Variants in ST7 observed in about 807,000 individuals in gnomAD.
The protein encoded by ST7 is suppression of tumorigenicity 7.
ST7 carries 28 observed loss-of-function variants against 78.7 expected under a neutral mutation model. The observed-to-expected ratio is 0.36, with a 90% CI of 0.26 to 0.49. The LOEUF (loss-of-function observed/expected upper bound fraction) is 0.49, where lower values mean the gene tolerates loss of function less well. ST7 is among the 20% of genes least tolerant of loss of function. The probability of loss-of-function intolerance (pLI) is 0.99; values close to 1 mark genes in which losing one functional copy is unlikely to be tolerated. For synonymous variants in ST7, 247 were observed against 249.6 expected (o/e 0.99, Z 0.10); for missense variants, 418 against 696.0 (o/e 0.60, Z 4.49).
chr7:117,114,104 C>T (rs1368859359), intron 2 of ST7, among the ~76,000 whole-genome samples: 3 of 152,026 alleles, frequency 2.0e-5, no homozygotes, highest in Non-Finnish European at 4.4e-5. Flanking sequence ...TTTACATAGC[C>T]CCCGCAACTG....
At chr7:117,033,356 T>C (rs1265751848) in intron 1 of ST7, among the ~76,000 whole-genome samples, 1 of 152,184 alleles carries the variant, frequency 6.6e-6, no homozygotes, top group Non-Finnish European at 1.5e-5. Flanking sequence ...GGGGATGAGA[T>C]GAATGAAATT....
intron 3 of ST7, 78 bp downstream of exon 3, chr7:117,119,798 A>G: frequency 1.3e-6 from 2 of 1,498,962 alleles, no homozygotes; most frequent in Non-Finnish European, 9.0e-7. Flanking sequence ...CTAAGAGATT[A>G]AGAATGTTGT....
chr7:117,099,066 C>CA (rs55999217), intron 1 of ST7, among the ~76,000 whole-genome samples: 24 of 94,538 alleles, frequency 2.5e-4, no homozygotes, highest in Non-Finnish European at 4.7e-4. Flanking sequence ...AAAAAAAAAA[C>CA]AAAAAAAAAA....
intron 1 of ST7, chr7:116,958,829 A>C (rs956927778): frequency 1.6e-4 from 59 of 362,970 alleles, no homozygotes; most frequent in Non-Finnish European, 3.0e-4. Context: ...TGCTAAAAAA[A>C]AAAATGCTAT....
chr7:117,123,944 A>G (rs1803612364), intron 3 of ST7, among the ~76,000 whole-genome samples: 1 of 152,156 alleles, frequency 6.6e-6, no homozygotes, highest in South Asian at 2.1e-4. Flanking sequence ...CTGGATAGTC[A>G]CTTGGCTTCC....
chr7:116,995,635 C>G (rs1039698102), intron 1 of ST7, among the ~76,000 whole-genome samples: 1 of 152,126 alleles, frequency 6.6e-6, no homozygotes, highest in Non-Finnish European at 1.5e-5. Context: ...CTGTGCTTGC[C>G]CCTTCCTCAT....
chr7:117,131,772 G>GA lies in ST7; in HGVS notation c.566-110dup, dbSNP rs921522071. 8.7e-5 allele frequency: 83 copies of GA among 954,336 alleles called. No individual in the cohort carries two copies. In the African/African-American group the frequency reaches 1.2e-3, roughly 14 times the overall value. The allele number at this position is 954,336 out of a possible 1,614,324, so 59.1% of individuals were successfully genotyped here. ...GATTTTGGCCAACCCTCTTAGCAAT[G>GA]AAATATGTTCTTGTAATTTAAGCTG... is the stretch of plus-strand genomic sequence containing the variant. On this transcript the variant is annotated intron_variant, in intron 5 of 15. Transcript: ENST00000323984.
At chr7:117,131,798 A>C in intron 5 of ST7, 87 bp from the exon 6 acceptor site, 2 of 1,172,148 alleles carry the variant, frequency 1.7e-6, no homozygotes, top group South Asian at 2.7e-5. Flanking sequence ...ATTTAAGCTG[A>C]CACTCCTAAT....
chr7:117,089,860 G>A (rs1451820934), intron 1 of ST7, among the ~76,000 whole-genome samples: 6 of 152,036 alleles, frequency 3.9e-5, no homozygotes, highest in South Asian at 2.1e-4. Context: ...ATGAGCCACC[G>A]CACCCGGCCT....
At position 117,037,418 on chromosome 7, in the gene ST7, A is replaced by G. The variant is rs530741702; in HGVS notation, c.152-62344A>G. 8.5e-5 allele frequency among the ~76,000 whole-genome samples: 13 copies of G among 152,326 alleles called. 1 individual carries two copies. The South Asian group carries it at 1.9e-3, about 22-fold the overall frequency. On this transcript the variant is annotated intron_variant, in intron 1 of 15. Coordinates refer to ENST00000323984, the MANE Select transcript of ST7 (RefSeq NM_001369598.1). ...TGAGCTAATGGCAAAAGACTGATCC[A>G]AAAAGGTTGGCCATGGCATCTAACA...
intron 1 of ST7, among the ~76,000 whole-genome samples, chr7:116,991,233 A>G (rs7789152): frequency 0.032 from 4,800 of 152,268 alleles, 234 homozygotes; most frequent in African/African-American, 0.11. Flanking sequence ...TTCCACCCTG[A>G]CACATGCCTC....
intron 1 of ST7, among the ~76,000 whole-genome samples, chr7:117,075,729 C>G (rs1244884688): frequency 1.3e-5 from 2 of 152,154 alleles, no homozygotes; most frequent in African/African-American, 4.8e-5. Flanking sequence ...GCAGGGGATT[C>G]CCATAAGTCA....
In ST7 at chr7:117,181,590, G is replaced by A. The variant is rs1240624342; in HGVS notation, c.1079-7731G>A. Among the ~76,000 whole-genome samples, 5 of 152,220 alleles carry A rather than the reference G, an allele frequency of 3.3e-5. No homozygotes were observed. In the East Asian group the frequency reaches 5.8e-4, roughly 18 times the overall value. The stretch of plus-strand genomic sequence containing the variant: ...TGAGCAGAAAATATTGTATTAATAC[G>A]TTGCTGAGGTATAATTATTCATTCC... On this transcript the variant is annotated intron_variant, in intron 10 of 15. Coordinates refer to ENST00000323984, the MANE Select transcript of ST7 (RefSeq NM_001369598.1).
In ST7 at chr7:117,221,760, G is replaced by T. The variant is rs116614273; in HGVS notation, c.1499-163G>T. 8.2e-3 allele frequency among the ~76,000 whole-genome samples: 1,247 copies of T among 152,214 alleles called. 15 individuals are homozygous for T. Among genetic ancestry groups the T allele is most frequent in the African/African-American group, 0.028 (1,175 of 41,540 alleles). ...GCGACCAGCAGATGGGCCTCCAAAG[G>T]CTGGGTCAGATGTTGGCTATGGTTT... On this transcript the variant is annotated intron_variant, in intron 14 of 15. Transcript: ENST00000323984.
At chr7:117,211,481 G>A (rs139270248) in intron 13 of ST7, among the ~76,000 whole-genome samples, 310 of 152,286 alleles carry the variant, frequency 2.0e-3, no homozygotes, top group African/African-American at 7.1e-3. Flanking sequence ...AGGGTTGAAC[G>A]GGAGAGGCCT....
At chr7:116,984,012 G>T (rs1284374068) in intron 1 of ST7, among the ~76,000 whole-genome samples, 1 of 152,086 alleles carries the variant, frequency 6.6e-6, no homozygotes, top group East Asian at 1.9e-4. Context: ...ATGTGAAGAT[G>T]TAAGGCCTTG....
At chr7:117,153,666 TACTC>T (rs1388278252) in intron 9 of ST7, among the ~76,000 whole-genome samples, 4 of 152,222 alleles carry the variant, frequency 2.6e-5, no homozygotes, top group African/African-American at 9.6e-5. Context: ...GTCACACAAT[TACTC>T]AGTAAATATT....
chr7:116,986,124 C>T (rs1272052136), intron 1 of ST7, among the ~76,000 whole-genome samples: 5 of 152,240 alleles, frequency 3.3e-5, no homozygotes, highest in East Asian at 1.9e-4. Flanking sequence ...TGAGCCACCA[C>T]GCCCAGCGTG....
At chr7:117,084,336 A>G (rs1799986461) in intron 1 of ST7, among the ~76,000 whole-genome samples, 1 of 152,198 alleles carries the variant, frequency 6.6e-6, no homozygotes, top group Non-Finnish European at 1.5e-5. Flanking sequence ...ATGATCATCC[A>G]GGTAAGAAAA....
Sources: gnomAD v4.1 joint callset for allele counts (sites outside exome capture counted in the v4.1 genomes callset) on GRCh38, gnomAD v4.1.1 for gene constraint, MANE v1.5 for transcripts, NCBI Gene and HGNC (gene_info 2026-07-23, HGNC 2026-07-21) for gene names.